Variants in RAPGEF4 observed in about 807,000 individuals in gnomAD.
RAPGEF4 encodes Rap guanine nucleotide exchange factor 4, also known as RAP guanine-nucleotide-exchange factor (GEF) 4.
Under a neutral mutation model 147.9 loss-of-function variants are expected in RAPGEF4, and 66 were observed. That is an observed-to-expected ratio of 0.45 (90% CI 0.37 to 0.55). RAPGEF4 has a LOEUF of 0.55. Ranked by LOEUF, RAPGEF4 falls within the 20% of genes least tolerant of loss-of-function variation. The pLI is 0.00. For missense variants in RAPGEF4, 1,071 were observed against 1,257.3 expected (o/e 0.85, Z 2.24); for synonymous variants, 419 against 442.7 (o/e 0.95, Z 0.67).
intron 4 of RAPGEF4, among the ~76,000 whole-genome samples, chr2:172,831,592 A>G (rs2468391): frequency 0.48 from 72,906 of 151,806 alleles, 17,786 homozygotes; most frequent in East Asian, 0.54. Flanking sequence ...TTAAGTATGT[A>G]AGAATCATTG....
rs1402192527 is a variant in RAPGEF4, at chr2:172,735,973, C to A, written c.-11C>A. The A allele has an allele frequency of 2.1e-6, 3 of 1,461,300 alleles. No individual in the cohort carries two copies. In the East Asian group the frequency reaches 9.5e-5, roughly 46 times the overall value. 90.5% of individuals were successfully genotyped at this position (1,461,300 alleles called of 1,614,324 possible). On this transcript the variant is annotated 5_prime_UTR_variant, in exon 1 of 31. Transcript: ENST00000397081. ...CGCCGCAGCCAGGGACACCGCGCGC[C>A]GCCGCTCAACATGGTCGCTGCGCAC... is the stretch of plus-strand genomic sequence containing the variant.
intron 4 of RAPGEF4, chr2:172,894,385 A>G (rs1698261359): frequency 6.6e-6 from 1 of 152,214 alleles, no homozygotes; most frequent in Admixed American, 6.5e-5. Context: ...GCTATGCAAG[A>G]TTGCTTTCCT....
chr2:172,979,369 C>T (rs898164682), intron 10 of RAPGEF4, among the ~76,000 whole-genome samples: 2 of 152,170 alleles, frequency 1.3e-5, no homozygotes, highest in African/African-American at 4.8e-5. Flanking sequence ...TTCACTCATA[C>T]GATGAGCCAT....
At chr2:173,015,321 C>T (rs909823316) in intron 18 of RAPGEF4, among the ~76,000 whole-genome samples, 5 of 152,344 alleles carry the variant, frequency 3.3e-5, no homozygotes, top group Admixed American at 6.5e-5. Context: ...CTGATTCTGA[C>T]ATTTAAGCTC....
intron 1 of RAPGEF4, among the ~76,000 whole-genome samples, chr2:172,794,164 G>A (rs1477462206): frequency 6.6e-6 from 1 of 151,862 alleles, no homozygotes; most frequent in Non-Finnish European, 1.5e-5. Flanking sequence ...GATCACCTGA[G>A]GTCGGGAGTT....
At chr2:172,826,996 ATAGTGTTTTAAATGT>A (rs1378916627) in intron 4 of RAPGEF4, among the ~76,000 whole-genome samples, 2 of 152,090 alleles carry the variant, frequency 1.3e-5, no homozygotes, top group African/African-American at 2.4e-5. Flanking sequence ...AAGTTTTAAA[ATAGTGTTTTAAATGT>A]TAGTGTTTTA....
chr2:172,774,428 T>C (rs556623751), intron 1 of RAPGEF4, among the ~76,000 whole-genome samples: 32 of 152,348 alleles, frequency 2.1e-4, no homozygotes, highest in Middle Eastern at 3.4e-3. Flanking sequence ...TCCAAACCAT[T>C]GGAACTACTG....
chr2:172,933,236 T>A (rs1440163556), intron 6 of RAPGEF4, among the ~76,000 whole-genome samples: 2 of 152,074 alleles, frequency 1.3e-5, no homozygotes, highest in Non-Finnish European at 2.9e-5. Context: ...CTAGAGATGA[T>A]GGTGGAGTTG....
intron 6 of RAPGEF4, among the ~76,000 whole-genome samples, chr2:172,928,591 T>C (rs1685608291): frequency 6.6e-6 from 1 of 152,200 alleles, no homozygotes; most frequent in Admixed American, 6.5e-5. Context: ...ATACTGTGAA[T>C]TACATTTGGT....
In RAPGEF4 at chr2:172,797,506, C is replaced by T. The variant is rs750607537; in HGVS notation, c.209-19C>T. The T allele has an allele frequency of 1.9e-6, 3 of 1,593,134 alleles. No individual in the cohort carries two copies. Among genetic ancestry groups the T allele is most frequent in the Non-Finnish European group, 2.6e-6 (3 of 1,163,526 alleles). On this transcript the variant is annotated intron_variant, in intron 2 of 30. Coordinates refer to ENST00000397081, the MANE Select transcript of RAPGEF4 (RefSeq NM_007023.4). ...CAAGTTGTATCTGTTATATTTATAT[C>T]ACAATTTTTTTTTCCCAGTATTTCG...
At chr2:172,834,924 A>G (rs1690756861) in intron 4 of RAPGEF4, among the ~76,000 whole-genome samples, 1 of 152,110 alleles carries the variant, frequency 6.6e-6, no homozygotes, top group Non-Finnish European at 1.5e-5. Flanking sequence ...GCATAATGGC[A>G]ATGTCATCCT....
intron 4 of RAPGEF4, among the ~76,000 whole-genome samples, chr2:172,862,546 C>T (rs182098623): frequency 4.6e-5 from 7 of 152,252 alleles, no homozygotes; most frequent in East Asian, 1.9e-4. Context: ...TGGATTTATA[C>T]GTTTCTCTTA....
intron 4 of RAPGEF4, among the ~76,000 whole-genome samples, chr2:172,876,044 C>T (rs79703018): frequency 1.3e-3 from 192 of 152,078 alleles, no homozygotes; most frequent in African/African-American, 4.3e-3. Flanking sequence ...TGGCTCTCTG[C>T]TTGTCTGTTA....
intron 4 of RAPGEF4, among the ~76,000 whole-genome samples, chr2:172,855,146 A>G (rs578112709): frequency 2.0e-5 from 3 of 152,224 alleles, no homozygotes; most frequent in South Asian, 4.2e-4. Context: ...AGAAGTAGGC[A>G]CCTTCATGGC....
Position 172,955,663 on chromosome 2 carries a change from A to AT in RAPGEF4, c.538-5096dup, listed in dbSNP as rs558165502. 3.7e-3 allele frequency among the ~76,000 whole-genome samples: 564 copies of AT among 152,286 alleles called. 1 individual carries two copies. The highest frequency in any genetic ancestry group is 4.5e-3 in the Non-Finnish European group (306 of 68,030). ...CCATGCCTTTCGGGGCTCATTTGTGATACGTGTTTTCTGGCTATAGGGCCA... is the reference window on the plus strand; with the variant it reads ...CCATGCCTTTCGGGGCTCATTTGTGATTACGTGTTTTCTGGCTATAGGGCCA... On this transcript the variant is annotated intron_variant, in intron 6 of 30. Coordinates refer to ENST00000397081, the MANE Select transcript of RAPGEF4 (RefSeq NM_007023.4).
chr2:172,991,317 G>T (rs114621733), intron 15 of RAPGEF4, among the ~76,000 whole-genome samples: 1 of 152,150 alleles, frequency 6.6e-6, no homozygotes, highest in Non-Finnish European at 1.5e-5. Context: ...AGGATTTCGC[G>T]TGAAGTGTTT....
At chr2:172,891,642 C>T (rs1332074450) in intron 4 of RAPGEF4, among the ~76,000 whole-genome samples, 2 of 152,118 alleles carry the variant, frequency 1.3e-5, no homozygotes, top group Non-Finnish European at 2.9e-5. Flanking sequence ...GATGGGTGCA[C>T]GTGCAGCATG....
At chr2:172,785,376 C>A (rs1300997277) in intron 1 of RAPGEF4, among the ~76,000 whole-genome samples, 1 of 152,068 alleles carries the variant, frequency 6.6e-6, no homozygotes, top group Non-Finnish European at 1.5e-5. Flanking sequence ...TCTTGAGATA[C>A]TTTTTAAAAA....
intron 4 of RAPGEF4, among the ~76,000 whole-genome samples, chr2:172,848,541 G>A (rs1206136354): frequency 6.6e-6 from 1 of 152,166 alleles, no homozygotes; most frequent in East Asian, 1.9e-4. Flanking sequence ...CCACTTTAAT[G>A]AAACACTGGG....
Sources: gnomAD v4.1 joint callset for allele counts (sites outside exome capture counted in the v4.1 genomes callset) on GRCh38, gnomAD v4.1.1 for gene constraint, MANE v1.5 for transcripts, NCBI Gene and HGNC (gene_info 2026-07-23, HGNC 2026-07-21) for gene names.